The following EBF1 variants were observed in gnomAD, a reference collection of about 807,000 sequenced individuals.
EBF1 encodes EBF transcription factor 1.
In EBF1, 10 loss-of-function variants were observed where a neutral mutation model predicts 68.4. That is an observed-to-expected ratio of 0.15 (90% CI 0.09 to 0.25). EBF1 has a LOEUF of 0.25. Ranked by LOEUF, EBF1 falls within the 10% of genes least tolerant of loss-of-function variation. The pLI, the probability that EBF1 is intolerant of heterozygous loss-of-function variation, is 1.00. For missense variants in EBF1, 509 were observed against 794.4 expected (o/e 0.64, Z 4.32); for synonymous variants, 298 against 299.8 (o/e 0.99, Z 0.06).
At chr5:158,852,268 T>C (rs977849975) in intron 6 of EBF1, among the ~76,000 whole-genome samples, 2 of 151,930 alleles carry the variant, frequency 1.3e-5, no homozygotes, top group Non-Finnish European at 1.5e-5. Flanking sequence ...GGATGAAAAG[T>C]ATTTTGAAAC....
chr5:158,995,470 T>C (rs1761215173), intron 6 of EBF1, among the ~76,000 whole-genome samples: 1 of 152,156 alleles, frequency 6.6e-6, no homozygotes, highest in Non-Finnish European at 1.5e-5. Flanking sequence ...TCGGTGACTA[T>C]ATAATCTCCA....
At chr5:158,707,761 T>A (rs1252460703) in intron 15 of EBF1, 2 of 537,004 alleles carry the variant, frequency 3.7e-6, no homozygotes, top group Admixed American at 6.2e-5. Context: ...AAAGAGGACT[T>A]CTTGAGCACC....
At chr5:158,919,933 C>G (rs111409805) in intron 6 of EBF1, among the ~76,000 whole-genome samples, 9,292 of 152,106 alleles carry the variant, frequency 0.061, 323 homozygotes, top group Non-Finnish European at 0.071. Context: ...TATGCATTGC[C>G]CATAGCCCCA....
intron 6 of EBF1, among the ~76,000 whole-genome samples, chr5:159,068,065 T>C (rs1777150491): frequency 3.3e-5 from 5 of 152,142 alleles, no homozygotes; most frequent in Admixed American, 3.3e-4. Flanking sequence ...AGAATGATTA[T>C]GCATTGGTGG....
At chr5:158,886,549 A>G (rs1399037669) in intron 6 of EBF1, among the ~76,000 whole-genome samples, 2 of 152,224 alleles carry the variant, frequency 1.3e-5, no homozygotes, top group Non-Finnish European at 2.9e-5. Context: ...AAACTAATAT[A>G]AAGTAAGTCA....
At chr5:158,790,385 C>G (rs894223169) in intron 9 of EBF1, among the ~76,000 whole-genome samples, 1 of 152,198 alleles carries the variant, frequency 6.6e-6, no homozygotes, top group African/African-American at 2.4e-5. Flanking sequence ...GGTTTTCTCA[C>G]ATCTATCCCA....
intron 6 of EBF1, among the ~76,000 whole-genome samples, chr5:158,884,911 GA>G (rs1799720074): frequency 1.3e-5 from 2 of 152,242 alleles, no homozygotes. Context: ...CCCAGCTACT[GA>G]GAGGGAGATC....
At chr5:158,881,442 C>T (rs1332232594) in intron 6 of EBF1, among the ~76,000 whole-genome samples, 1 of 152,198 alleles carries the variant, frequency 6.6e-6, no homozygotes, top group Non-Finnish European at 1.5e-5. Flanking sequence ...TTGCCTGCCC[C>T]TGGCTACAGA....
At chr5:158,812,350 G>C (rs148187401) in intron 8 of EBF1, among the ~76,000 whole-genome samples, 2 of 152,176 alleles carry the variant, frequency 1.3e-5, no homozygotes, top group Non-Finnish European at 2.9e-5. Context: ...TTCTTAGGTT[G>C]ACAACTGGTG....
At chr5:158,998,806 G>A (rs949455911) in intron 6 of EBF1, among the ~76,000 whole-genome samples, 3 of 152,052 alleles carry the variant, frequency 2.0e-5, no homozygotes, top group Non-Finnish European at 4.4e-5. Flanking sequence ...GGCCAGCACC[G>A]GTGCTTTTAC....
chr5:158,984,761 A>C (rs1469954402), intron 6 of EBF1: 1 of 137,268 alleles, frequency 7.3e-6, no homozygotes, highest in East Asian at 2.1e-4. Flanking sequence ...ATCTTAGCTC[A>C]CTGCAGCCTC....
chr5:158,886,957 G>A (rs1443681512), intron 6 of EBF1, among the ~76,000 whole-genome samples: 1 of 152,124 alleles, frequency 6.6e-6, no homozygotes, highest in Admixed American at 6.5e-5. Context: ...AGCCGAGATC[G>A]TGCCATTGCA....
intron 15 of EBF1, among the ~76,000 whole-genome samples, chr5:158,700,411 T>C (rs776093284): frequency 6.6e-6 from 1 of 152,182 alleles, no homozygotes; most frequent in South Asian, 2.1e-4. Context: ...TGCTTTCTTT[T>C]TATGGCAAAT....
chr5:159,057,363 T>C (rs1774967272), intron 6 of EBF1, among the ~76,000 whole-genome samples: 1 of 152,184 alleles, frequency 6.6e-6, no homozygotes, highest in Non-Finnish European at 1.5e-5. Context: ...TGCCTCAGCC[T>C]CCAAAAGTGC....
chr5:159,093,847 A>G (rs1245679742), intron 4 of EBF1, among the ~76,000 whole-genome samples: 2 of 152,038 alleles, frequency 1.3e-5, no homozygotes, highest in Non-Finnish European at 2.9e-5. Context: ...AGTGCTACCT[A>G]TAATTTAATA....
chr5:158,908,372 A>T (rs923452279), intron 6 of EBF1, among the ~76,000 whole-genome samples: 1 of 152,200 alleles, frequency 6.6e-6, no homozygotes, highest in African/African-American at 2.4e-5. Flanking sequence ...TTAACTTAAC[A>T]TGATATCTTG....
chr5:159,095,355 T>C (rs371945287), intron 4 of EBF1, among the ~76,000 whole-genome samples: 2 of 152,246 alleles, frequency 1.3e-5, no homozygotes, highest in South Asian at 2.1e-4. Flanking sequence ...AATTCAGCCC[T>C]TTTTCTCGCC....
chr5:158,799,888 A>G (rs906949674), intron 8 of EBF1, among the ~76,000 whole-genome samples: 1 of 152,168 alleles, frequency 6.6e-6, no homozygotes, highest in Non-Finnish European at 1.5e-5. Context: ...AAACGAATTC[A>G]GTATTTTTTT....
At chr5:158,890,392 A>G (rs1297099397) in intron 6 of EBF1, among the ~76,000 whole-genome samples, 1 of 152,208 alleles carries the variant, frequency 6.6e-6, no homozygotes, top group Non-Finnish European at 1.5e-5. Flanking sequence ...TCCAAAACAA[A>G]TAGCCACCAG....
Sources: gnomAD v4.1 joint callset for allele counts (sites outside exome capture counted in the v4.1 genomes callset) on GRCh38, gnomAD v4.1.1 for gene constraint, MANE v1.5 for transcripts, NCBI Gene and HGNC (gene_info 2026-07-23, HGNC 2026-07-21) for gene names.